Variants in ARHGEF12 observed in about 807,000 individuals in gnomAD.
The protein encoded by ARHGEF12 is KMT2A/ARHGEF12 fusion protein.
In ARHGEF12, 66 loss-of-function variants were observed where a neutral mutation model predicts 211.2. The observed-to-expected ratio is 0.31, with a 90% CI of 0.26 to 0.38. The LOEUF (loss-of-function observed/expected upper bound fraction) is 0.38. Ranked by LOEUF, ARHGEF12 falls within the 10% of genes least tolerant of loss-of-function variation. ARHGEF12 has a pLI of 1.00. For synonymous variants in ARHGEF12, 592 were observed against 638.4 expected (o/e 0.93, Z 1.09); for missense variants, 1,429 against 1,869.5 (o/e 0.76, Z 4.34).
chr11:120,469,925 T>C (rs1298784329), intron 30 of ARHGEF12, among the ~76,000 whole-genome samples: 5 of 152,074 alleles, frequency 3.3e-5, no homozygotes, highest in Non-Finnish European at 7.4e-5. Context: ...TGAGTGGAAG[T>C]GAACCAAAAT....
chr11:120,363,153 G>A (rs1372639220), intron 1 of ARHGEF12, among the ~76,000 whole-genome samples: 2 of 152,096 alleles, frequency 1.3e-5, no homozygotes, highest in Non-Finnish European at 2.9e-5. Context: ...TTTAAAATTG[G>A]CAAATGAATG....
chr11:120,456,989 A>C, intron 22 of ARHGEF12, 129 bp from the exon 23 acceptor site: 3 of 746,100 alleles, frequency 4.0e-6, no homozygotes, highest in Admixed American at 2.9e-5. Context: ...GTTCTAGTGA[A>C]CCTGCAGTTG....
At chr11:120,393,634 T>C (rs1013725101) in intron 1 of ARHGEF12, among the ~76,000 whole-genome samples, 2 of 152,210 alleles carry the variant, frequency 1.3e-5, no homozygotes, top group Non-Finnish European at 2.9e-5. Flanking sequence ...TATCTAGGCA[T>C]GTATACACCT....
intron 1 of ARHGEF12, among the ~76,000 whole-genome samples, chr11:120,346,507 G>A (rs1247428023): frequency 1.3e-5 from 2 of 152,212 alleles, no homozygotes; most frequent in African/African-American, 4.8e-5. Context: ...TATGGTCAGA[G>A]CTCACTGTCA....
Position 120,446,522 on chromosome 11 carries a change from T to C in ARHGEF12, c.1451+14T>C, listed in dbSNP as rs765226847. The C allele has an allele frequency of 9.6e-6, 15 of 1,567,218 alleles. No homozygotes were observed. The highest frequency in any genetic ancestry group is 6.1e-6 in the Non-Finnish European group (7 of 1,151,436). On this transcript the variant is annotated intron_variant, in intron 17 of 40. Coordinates refer to ENST00000397843, the MANE Select transcript of ARHGEF12 (RefSeq NM_015313.3). ...AGAAGATTTTCGGTAAGCTTAGTGG[T>C]AGATAGAATTTCATATGATTATTCT...
At chr11:120,468,694 G>T (rs150715569) in intron 29 of ARHGEF12, among the ~76,000 whole-genome samples, 1,765 of 152,184 alleles carry the variant, frequency 0.012, 20 homozygotes, top group South Asian at 0.026. Context: ...CAGGCAGTCC[G>T]CCTGCCTTGG....
intron 1 of ARHGEF12, among the ~76,000 whole-genome samples, chr11:120,349,995 G>C (rs990521268): frequency 3.9e-5 from 6 of 152,120 alleles, no homozygotes; most frequent in African/African-American, 1.4e-4. Context: ...GGGTTAGTTT[G>C]GATTGGCAGT....
In ARHGEF12 at chr11:120,350,332, G is replaced by A. The variant is rs575625887; in HGVS notation, c.32+13057G>A. On this transcript the variant is annotated intron_variant, in intron 1 of 40. Coordinates refer to ENST00000397843, the MANE Select transcript of ARHGEF12 (RefSeq NM_015313.3). ...AGATCGAGACCATCCTGGCTAACAC[G>A]GTGAAACCCCATTTCTACTAAAAAT... Among the ~76,000 whole-genome samples the A allele has an allele frequency of 8.0e-4, 121 of 152,152 alleles. No homozygotes were observed. In the South Asian group the frequency reaches 0.012, roughly 15 times the overall value.
At chr11:120,439,942 C>T in intron 12 of ARHGEF12, 187 bp from the exon 13 acceptor site, 2 of 521,032 alleles carry the variant, frequency 3.8e-6, no homozygotes, top group Non-Finnish European at 6.8e-6. Context: ...TTTTTCTCTG[C>T]CAGAGTGGTA....
chr11:120,391,416 A>G (rs1325150833), intron 1 of ARHGEF12, among the ~76,000 whole-genome samples: 2 of 152,240 alleles, frequency 1.3e-5, no homozygotes, highest in African/African-American at 4.8e-5. Flanking sequence ...AATTTTTTCC[A>G]GGAATTAAAT....
rs1460694888 is a variant in ARHGEF12, at chr11:120,489,067, T to C, written c.*3990T>C. On this transcript the variant is annotated 3_prime_UTR_variant, in exon 41 of 41. Coordinates refer to ENST00000397843, the MANE Select transcript of ARHGEF12 (RefSeq NM_015313.3). ...ACTTTTTATTTGTATTCTGGTTGAT[T>C]TGTCTTGTCCAAGTTATATTAGAAA... 1 of 221,106 alleles carries C rather than the reference T, an allele frequency of 4.5e-6. No homozygotes were observed. Among genetic ancestry groups the C allele is most frequent in the African/African-American group, 2.2e-5 (1 of 44,644 alleles). The allele number at this position is 221,106 out of a possible 1,614,324, so 13.7% of individuals were successfully genotyped here.
At chr11:120,480,625 T>G (rs1053844045) in intron 38 of ARHGEF12, among the ~76,000 whole-genome samples, 195 bp downstream of exon 38, 1 of 152,144 alleles carries the variant, frequency 6.6e-6, no homozygotes, top group African/African-American at 2.4e-5. Flanking sequence ...CTGGGAGATA[T>G]AGCAGTGAAT....
intron 1 of ARHGEF12, among the ~76,000 whole-genome samples, chr11:120,386,336 G>A (rs1405280765): frequency 6.6e-6 from 1 of 152,036 alleles, no homozygotes; most frequent in African/African-American, 2.4e-5. Flanking sequence ...ATTTTCTTGT[G>A]GACAGAAAGA....
Position 120,447,170 on chromosome 11 carries a change from A to G in ARHGEF12, c.1589+85A>G, listed in dbSNP as rs76429355. The G allele has an allele frequency of 2.9e-3, 4,233 of 1,455,002 alleles. 14 individuals carry two copies. Among genetic ancestry groups the G allele is most frequent in the Non-Finnish European group, 3.6e-3 (3,858 of 1,086,314 alleles). The allele number at this position is 1,455,002 out of a possible 1,614,324, so 90.1% of individuals were successfully genotyped here. ...AGTGTCCTTTGGGTAGGTTTAGAAAAACTGTCAGATTGTGTATGTGGAGCC... is the reference window on the plus strand; with the variant it reads ...AGTGTCCTTTGGGTAGGTTTAGAAAGACTGTCAGATTGTGTATGTGGAGCC... On this transcript the variant is annotated intron_variant, in intron 18 of 40. Transcript: ENST00000397843.
intron 1 of ARHGEF12, among the ~76,000 whole-genome samples, chr11:120,341,357 G>C (rs1383770719): frequency 1.7e-5 from 1 of 58,002 alleles, no homozygotes; most frequent in East Asian, 3.4e-4. Flanking sequence ...CGAGCCCAGT[G>C]GTTTTTTTTG....
chr11:120,345,920 T>C (rs1942706355), intron 1 of ARHGEF12, among the ~76,000 whole-genome samples: 1 of 152,082 alleles, frequency 6.6e-6, no homozygotes, highest in Non-Finnish European at 1.5e-5. Flanking sequence ...ATTTTTATTT[T>C]TTAATACTGA....
intron 37 of ARHGEF12, among the ~76,000 whole-genome samples, chr11:120,479,065 G>A: frequency 6.6e-6 from 1 of 152,112 alleles, no homozygotes; most frequent in South Asian, 2.1e-4. Flanking sequence ...CAGTTTTAAA[G>A]CATGTCAAGA....
intron 1 of ARHGEF12, among the ~76,000 whole-genome samples, chr11:120,344,558 G>T (rs1338451328): frequency 1.3e-5 from 2 of 152,200 alleles, no homozygotes; most frequent in Non-Finnish European, 2.9e-5. Flanking sequence ...GTGGGTGAAG[G>T]TCTGATCTTT....
chr11:120,479,903 G>A (rs1448035062), intron 37 of ARHGEF12, 57 bp from the exon 38 acceptor site: 2 of 1,435,874 alleles, frequency 1.4e-6, no homozygotes, highest in Non-Finnish European at 1.9e-6. Flanking sequence ...AATTCTTGCA[G>A]CCTGAGGTTA....
Sources: allele counts gnomAD v4.1 joint callset (sites outside exome capture counted in the v4.1 genomes callset), GRCh38; gene constraint gnomAD v4.1.1; transcripts MANE v1.5; gene names NCBI Gene and HGNC (gene_info 2026-07-23, HGNC 2026-07-21).